Variants in ZNF682 observed in about 807,000 individuals in gnomAD.
The protein encoded by ZNF682 is zinc finger protein 682.
A neutral mutation model predicts 36.5 loss-of-function variants in ZNF682; 29 were observed. The ratio of observed to expected loss-of-function variants is 0.80; its 90% CI spans 0.59 to 1.08. The LOEUF is 1.08. Ranked by LOEUF, ZNF682 falls within the 50% of genes least tolerant of loss-of-function variation. The probability of loss-of-function intolerance (pLI) is 0.00; values close to 1 mark genes in which losing one functional copy is unlikely to be tolerated. For missense variants in ZNF682, 561 were observed against 579.7 expected (o/e 0.97, Z 0.33); for synonymous variants, 180 against 197.0 (o/e 0.91, Z 0.72).
downstream of ZNF682, among the ~76,000 whole-genome samples, chr19:19,995,549 T>C (rs952022903): frequency 6.6e-6 from 1 of 152,146 alleles, no homozygotes; most frequent in African/African-American, 2.4e-5. Flanking sequence ...GAATTAGAGA[T>C]TTCTCTGAAA....
At chr19:20,003,941 A>G (rs551015152), downstream of ZNF682, among the ~76,000 whole-genome samples, 6 of 152,328 alleles carry the variant, frequency 3.9e-5, no homozygotes, top group East Asian at 3.9e-4. Flanking sequence ...TCTTCTCAAA[A>G]TAGGTACACA....
At chr19:20,015,217 T>A (rs906287194) in intron 3 of ZNF682, 1 of 985,206 alleles carries the variant, frequency 1.0e-6, no homozygotes, top group Non-Finnish European at 1.2e-6. Context: ...AAAATATACA[T>A]CCACCAATGA....
At chr19:20,014,347 C>T (rs1236328518) in intron 3 of ZNF682, among the ~76,000 whole-genome samples, 1 of 152,128 alleles carries the variant, frequency 6.6e-6, no homozygotes, top group African/African-American at 2.4e-5. Context: ...TAGTTACTTG[C>T]ACACCCATAT....
At chr19:20,013,882 G>T (rs1418634848) in intron 3 of ZNF682, among the ~76,000 whole-genome samples, 1 of 151,994 alleles carries the variant, frequency 6.6e-6, no homozygotes, top group African/African-American at 2.4e-5. Context: ...GCCTGGCCTA[G>T]CAAACTTTTA....
In ZNF682 at chr19:20,023,027, T is replaced by C; in HGVS notation, c.203A>G (p.His68Arg). 3.7e-6 allele frequency: 6 copies of C among 1,613,980 alleles called. No homozygotes were observed. The highest frequency in any genetic ancestry group is 1.1e-5 in the South Asian group (1 of 91,054). The change falls in exon 3 of 4, where the codon CAT (histidine) becomes CGT (arginine). Residue 68 changes from histidine to arginine, a missense_variant. By Grantham distance (29) the His-to-Arg change is conservative (BLOSUM62 0). Coordinates refer to ENST00000397165, the MANE Select transcript of ZNF682 (RefSeq NM_033196.3). ...ACCTGGGGGTTTGGCTATGGTCTCA[T>C]GTCTCTTCACATTCCAGGGCTCCTG... is the stretch of plus-strand genomic sequence containing the variant. ...QRQEPWNVKRHETIAKPPAMS... is the reference protein window; with the variant it reads ...QRQEPWNVKRRETIAKPPAMS...
Position 20,006,488 on chromosome 19 carries a change from C to G in ZNF682, c.1014G>C (p.Glu338Asp). 1 of 1,614,036 alleles carries G rather than the reference C, an allele frequency of 6.2e-7. No homozygotes were observed. Among genetic ancestry groups the G allele is most frequent in the South Asian group, 1.1e-5 (1 of 91,080 alleles). ...CACATTCTTCACATTTATAGGGTTT[C>G]TCTCCCGTATGGGTTCTCTCATGTA... Reference protein sequence around the residue: ...LTIHERTHTGEKPYKCEECGK... With the variant: ...LTIHERTHTGDKPYKCEECGK... Residue 338 changes from glutamate (E) to aspartate (D), a missense_variant, in exon 4 of 4, where the codon GAG becomes GAC. Coordinates refer to ENST00000397165, the MANE Select transcript of ZNF682 (RefSeq NM_033196.3).
chr19:20,008,502 CA>C (rs1366956504), intron 3 of ZNF682, among the ~76,000 whole-genome samples: 35 of 152,170 alleles, frequency 2.3e-4, no homozygotes, highest in African/African-American at 8.4e-4. Flanking sequence ...ACCCATGGTG[CA>C]ATTGCCCTGC....
intron 3 of ZNF682, among the ~76,000 whole-genome samples, chr19:20,022,616 T>C (rs1272995580): frequency 1.3e-5 from 2 of 151,986 alleles, no homozygotes; most frequent in South Asian, 2.1e-4. Context: ...TGAGCCAAGA[T>C]TGAGCCATTG....
rs371737058 is a variant in ZNF682 at position 20,006,148 on chromosome 19, G to A, written c.1354C>T (p.Arg452Cys). ...TTGCCACATTCTTCACATTTATAGC[G>A]TTTGACGGCAGTATGAATTTTCTTA... is the stretch of plus-strand genomic sequence containing the variant. ...RHKKIHTAVK[R>C]YKCEECGKAF... The change falls in exon 4 of 4, where the codon CGC becomes TGC. Residue 452 changes from arginine (R) to cysteine (C), a missense_variant. Arg to Cys is a radical substitution (Grantham distance 180). Transcript: ENST00000397165. 46 of 1,612,916 alleles carry A rather than the reference G, an allele frequency of 2.9e-5. No individual in the cohort carries two copies. The highest frequency in any genetic ancestry group is 3.6e-5 in the Non-Finnish European group (43 of 1,179,206).
In ZNF682 at chr19:20,023,088, A is replaced by G; in HGVS notation, c.142T>C (p.Ser48Pro). The G allele has an allele frequency of 6.2e-7, 1 of 1,613,796 alleles. No individual in the cohort carries two copies. Among genetic ancestry groups the G allele is most frequent in the South Asian group, 1.1e-5 (1 of 91,044 alleles). The change falls in exon 3 of 4, where the codon TCT becomes CCT. Residue 48 changes from serine (S) to proline (P), a missense_variant. Transcript: ENST00000397165. ...RNLVSLGLTV[S>P]KPELISRLEQ... ...AGACGGCTAATCAGTTCTGGCTTAG[A>G]AACAGTAAGACCTGTTTTATTAGAA...
At position 20,006,903 on chromosome 19, in the gene ZNF682, A is replaced by T; in HGVS notation, c.599T>A (p.Leu200His). Residue 200 changes from leucine (L) to histidine (H), a missense_variant, in exon 4 of 4, where the codon CTC becomes CAC. By Grantham distance (99) the Leu-to-His change is moderately conservative. Transcript: ENST00000397165. Reference sequence around the variant, plus strand: ...TTTGCCACATTCCTCACATATGCAGAGTTTCTCTTCAGTGTGAATTATCTT... The same window carrying T: ...TTTGCCACATTCCTCACATATGCAGTGTTTCTCTTCAGTGTGAATTATCTT... ...YHKIIHTEEKLCICEECGKTF... is the reference protein window; with the variant it reads ...YHKIIHTEEKHCICEECGKTF... 2 of 1,614,022 alleles carry T rather than the reference A, an allele frequency of 1.2e-6. No individual in the cohort carries two copies. Among genetic ancestry groups the T allele is most frequent in the Non-Finnish European group, 8.5e-7 (1 of 1,179,924 alleles).
At chr19:20,001,347 G>A (rs2088167229), downstream of ZNF682, among the ~76,000 whole-genome samples, 1 of 152,152 alleles carries the variant, frequency 6.6e-6, no homozygotes, top group Non-Finnish European at 1.5e-5. Context: ...GGAATGTGCT[G>A]TACCAAAAAA....
At position 20,025,783 on chromosome 19, in the gene ZNF682, T is replaced by C. The variant is rs145621637; in HGVS notation, c.4-1407A>G. On this transcript the variant is annotated intron_variant, in intron 1 of 3. Transcript: ENST00000397165. ...GACAATCATCAGAGCTATGATATTATTGGCAACAAAAAGTAAATTATAACC... is the reference window on the plus strand; with the variant it reads ...GACAATCATCAGAGCTATGATATTACTGGCAACAAAAAGTAAATTATAACC... Among the ~76,000 whole-genome samples the C allele has an allele frequency of 3.9e-3, 592 of 152,286 alleles. 4 individuals are homozygous for C. The highest frequency in any genetic ancestry group is 0.013 in the African/African-American group (559 of 41,552).
chr19:20,017,413 ATAGT>A (rs980014721), intron 3 of ZNF682, among the ~76,000 whole-genome samples: 5 of 152,188 alleles, frequency 3.3e-5, no homozygotes, highest in African/African-American at 1.2e-4. Context: ...TGGGGTGGCC[ATAGT>A]TAGACAAAAT....
chr19:19,997,385 C>G (rs113817582), intron 3 of ZNF682: 1 of 396,644 alleles, frequency 2.5e-6, no homozygotes, highest in Non-Finnish European at 4.4e-6. Context: ...TTTCACATAC[C>G]CATAAGTGTC....
chr19:20,033,139 C>A (rs899504568), intron 1 of ZNF682, among the ~76,000 whole-genome samples: 1 of 152,022 alleles, frequency 6.6e-6, no homozygotes, highest in Admixed American at 6.6e-5. Context: ...TTGTGGTGGG[C>A]ACCTGTAATC....
chr19:19,999,812 G>A (rs2088153352), downstream of ZNF682, among the ~76,000 whole-genome samples: 1 of 151,610 alleles, frequency 6.6e-6, no homozygotes, highest in African/African-American at 2.4e-5. Flanking sequence ...GGGGTTACAG[G>A]CTTGAGCCAC....
At chr19:20,021,310 T>C (rs6511065) in intron 3 of ZNF682, among the ~76,000 whole-genome samples, 121,872 of 151,994 alleles carry the variant, frequency 0.8, 49,605 homozygotes, top group Non-Finnish European at 0.85. Flanking sequence ...CCAGCACTTT[T>C]GGAGGCCAAG....
At chr19:20,011,072 G>A (rs796152903) in intron 3 of ZNF682, among the ~76,000 whole-genome samples, 7 of 151,796 alleles carry the variant, frequency 4.6e-5, no homozygotes, top group South Asian at 2.1e-4. Flanking sequence ...CTCACCTCAC[G>A]TATAATGACA....
Sources: allele counts gnomAD v4.1 joint callset (sites outside exome capture counted in the v4.1 genomes callset), GRCh38; gene constraint gnomAD v4.1.1; transcripts MANE v1.5; gene names NCBI Gene and HGNC (gene_info 2026-07-23, HGNC 2026-07-21).